The following GNG7 variants were observed in gnomAD, a reference collection of about 807,000 sequenced individuals.
GNG7 encodes G protein subunit gamma 7.
GNG7 carries 1 observed loss-of-function variant against 4.0 expected under a neutral mutation model. The ratio of observed to expected loss-of-function variants is 0.25; its 90% confidence interval spans 0.09 to 1.18. The LOEUF (loss-of-function observed/expected upper bound fraction) is 1.18, where lower values mean the gene tolerates loss of function less well. GNG7 is among the 50% of genes most tolerant of loss of function. The probability of loss-of-function intolerance (pLI) is 0.50; values close to 1 mark genes in which losing one functional copy is unlikely to be tolerated. For missense variants in GNG7, 86 were observed against 91.9 expected, an observed-to-expected ratio of 0.94 and a Z score of 0.26; for synonymous variants, 34 against 36.9, an observed-to-expected ratio of 0.92 and a Z score of 0.29.
At chr19:2,666,903 A>G (rs1451782616) in intron 1 of GNG7, among the ~76,000 whole-genome samples, 1 of 152,152 alleles carries the variant, frequency 6.6e-6, no homozygotes, top group Non-Finnish European at 1.5e-5. Context: ...GCAACTAAAT[A>G]CTCTCATCTA....
intron 2 of GNG7, among the ~76,000 whole-genome samples, chr19:2,568,171 ACACATACACACATG>A (rs1312561328): frequency 1.3e-5 from 2 of 151,572 alleles, no homozygotes; most frequent in African/African-American, 4.9e-5. Context: ...ATACATACAC[ACACATACACACATG>A]CACATACACA....
chr19:2,559,127 AATAT>A (rs61026682), intron 2 of GNG7, among the ~76,000 whole-genome samples: 1 of 151,066 alleles, frequency 6.6e-6, no homozygotes, highest in Admixed American at 6.6e-5. Context: ...AGTCACAAAG[AATAT>A]ATATATATAC....
At chr19:2,540,878 A>G (rs960668982) in intron 3 of GNG7, among the ~76,000 whole-genome samples, 1 of 152,196 alleles carries the variant, frequency 6.6e-6, no homozygotes, top group Non-Finnish European at 1.5e-5. Context: ...AATTCCAAGC[A>G]TAGTTCTCAT....
At chr19:2,681,373 T>C (rs1163466943) in intron 1 of GNG7, among the ~76,000 whole-genome samples, 1 of 151,936 alleles carries the variant, frequency 6.6e-6, no homozygotes, top group African/African-American at 2.4e-5. Flanking sequence ...TTAGTAGAGA[T>C]GGGGTTTCAC....
chr19:2,568,940 TAC>T (rs1458255846), intron 2 of GNG7, among the ~76,000 whole-genome samples: 3 of 151,060 alleles, frequency 2.0e-5, no homozygotes, highest in African/African-American at 7.3e-5. Context: ...AATATACAAA[TAC>T]ACACAAATAT....
At chr19:2,542,462 C>A (rs1180597962) in intron 3 of GNG7, among the ~76,000 whole-genome samples, 2 of 152,006 alleles carry the variant, frequency 1.3e-5, no homozygotes, top group African/African-American at 2.4e-5. Context: ...TTACTGACAG[C>A]CAGCAAGGAA....
At chr19:2,605,277 C>A (rs2144816261) in intron 2 of GNG7, among the ~76,000 whole-genome samples, 1 of 152,280 alleles carries the variant, frequency 6.6e-6, no homozygotes, top group East Asian at 1.9e-4. Context: ...CGGCTCACTG[C>A]AACCTCCGCC....
At chr19:2,639,588 A>AAGGAATGGG (rs1555699437) in intron 2 of GNG7, among the ~76,000 whole-genome samples, 3 of 149,308 alleles carry the variant, frequency 2.0e-5, no homozygotes, top group Non-Finnish European at 3.0e-5. Flanking sequence ...TGTCAAATGT[A>AAGGAATGGG]GATGGCAGGC....
chr19:2,589,147 C>T (rs1324616928), intron 2 of GNG7, among the ~76,000 whole-genome samples: 1 of 151,804 alleles, frequency 6.6e-6, no homozygotes, highest in African/African-American at 2.4e-5. Flanking sequence ...AGGCTGGTCT[C>T]GAACTCCCAA....
chr19:2,542,843 G>A (rs1166474016), intron 3 of GNG7, among the ~76,000 whole-genome samples: 1 of 150,614 alleles, frequency 6.6e-6, no homozygotes, highest in Non-Finnish European at 1.5e-5. Context: ...GTTAGACGCT[G>A]GACTGAGCAT....
intron 3 of GNG7, among the ~76,000 whole-genome samples, chr19:2,548,335 G>C (rs184352760): frequency 1.1e-3 from 163 of 151,006 alleles, no homozygotes; most frequent in African/African-American, 3.5e-3. Flanking sequence ...AAAGAAATTT[G>C]CTGGGTGTGG....
At chr19:2,685,082 C>T (rs1183360785) in intron 1 of GNG7, among the ~76,000 whole-genome samples, 9 of 150,886 alleles carry the variant, frequency 6.0e-5, no homozygotes, top group Admixed American at 2.6e-4. Context: ...CAAGATCGCA[C>T]GACTGCACTC....
rs1054610878 is a variant in GNG7, at chr19:2,561,747, G to A, written c.-77-6559C>T. ...AAAAAAAAAATTAGCTGGGCATAGC[G>A]GCAGGCGCCTGTGATCCCAGCTACT... On this transcript the variant is annotated intron_variant, in intron 2 of 4. Transcript: ENST00000382159. Among the ~76,000 whole-genome samples, 7 of 151,186 alleles carry A rather than the reference G, an allele frequency of 4.6e-5. No individual in the cohort carries two copies. In the East Asian group the frequency reaches 7.8e-4, roughly 17 times the overall value.
chr19:2,520,878 C>A (rs909336548), intron 3 of GNG7, among the ~76,000 whole-genome samples, 153 bp from the exon 4 acceptor site: 3 of 152,168 alleles, frequency 2.0e-5, no homozygotes, highest in Non-Finnish European at 2.9e-5. Context: ...AAAGAGCTGG[C>A]ACTCGTTTAA....
At chr19:2,593,255 G>A (rs921127392) in intron 2 of GNG7, among the ~76,000 whole-genome samples, 74 of 151,906 alleles carry the variant, frequency 4.9e-4, no homozygotes, top group African/African-American at 4.8e-5. Flanking sequence ...GCCTGATGTT[G>A]TTCTTAATCT....
At chr19:2,544,980 T>C (rs1202955946) in intron 3 of GNG7, among the ~76,000 whole-genome samples, 1 of 152,176 alleles carries the variant, frequency 6.6e-6, no homozygotes, top group Non-Finnish European at 1.5e-5. Context: ...ATGGATGGTG[T>C]GAACCAGGGG....
At chr19:2,599,457 A>C (rs1599414242) in intron 2 of GNG7, among the ~76,000 whole-genome samples, 2 of 151,860 alleles carry the variant, frequency 1.3e-5, no homozygotes, top group Admixed American at 6.6e-5. Flanking sequence ...CAGGAGGTGG[A>C]GGTGCGGACC....
chr19:2,624,375 A>G (rs1043464587), intron 2 of GNG7, among the ~76,000 whole-genome samples: 1 of 150,896 alleles, frequency 6.6e-6, no homozygotes, highest in South Asian at 2.1e-4. Context: ...TAAAAATACA[A>G]AAAAAATTAG....
rs1055191991 is a variant in GNG7, at chr19:2,557,291, AC to A, written c.-77-2104del. 6.6e-6 allele frequency among the ~76,000 whole-genome samples: 1 copy of A among 151,156 alleles called. No individual in the cohort carries two copies. The highest frequency in any genetic ancestry group is 2.4e-5 in the African/African-American group (1 of 40,978). On this transcript the variant is annotated intron_variant, in intron 2 of 4. Coordinates refer to ENST00000382159, the MANE Select transcript of GNG7 (RefSeq NM_052847.3). The surrounding 1 kb of genome is among the most constrained non-coding windows in gnomAD (Gnocchi z 5.1). ...TTTGCACACACAGACACGTGCACAC[AC>A]AGAGGTGCACATACACGCACAGACA...
Sources: allele counts gnomAD v4.1 joint callset (sites outside exome capture counted in the v4.1 genomes callset), GRCh38; gene constraint gnomAD v4.1.1; non-coding constraint Gnocchi (gnomAD v3.1); transcripts MANE v1.5; gene names NCBI Gene and HGNC (gene_info 2026-07-23, HGNC 2026-07-21).